The following RBFOX1 variants were observed in gnomAD, a reference collection of about 807,000 sequenced individuals.
RBFOX1 encodes the protein RNA binding protein fox-1 homolog 1.
A neutral mutation model predicts 57.7 loss-of-function variants in RBFOX1; 8 were observed. The ratio of observed to expected loss-of-function variants is 0.14; its 90% CI spans 0.08 to 0.25. The LOEUF is 0.25. Ranked by LOEUF, RBFOX1 falls within the 10% of genes least tolerant of loss-of-function variation. The pLI is 1.00. For missense variants in RBFOX1, 611 were observed against 548.5 expected, an observed-to-expected ratio of 1.11 and a Z score of -1.14; for synonymous variants, 326 against 222.4, an observed-to-expected ratio of 1.47 and a Z score of -4.15.
At chr16:5,554,686 A>C (rs1302519068) in intron 2 of RBFOX1, among the ~76,000 whole-genome samples, 3 of 152,328 alleles carry the variant, frequency 2.0e-5, no homozygotes, top group African/African-American at 7.2e-5. Flanking sequence ...TAGTATTGCA[A>C]CCTATTCCCA....
chr16:5,893,204 C>T (rs553120305), intron 4 of RBFOX1, among the ~76,000 whole-genome samples: 1 of 152,334 alleles, frequency 6.6e-6, no homozygotes, highest in East Asian at 1.9e-4. Flanking sequence ...CTCATCCTCA[C>T]ATAGCTTTGA....
chr16:6,515,528 C>G (rs2096358802), intron 2 of RBFOX1, among the ~76,000 whole-genome samples: 1 of 152,170 alleles, frequency 6.6e-6, no homozygotes, highest in Non-Finnish European at 1.5e-5. Flanking sequence ...GTTCCCATGT[C>G]TTCCCTTGAG....
At position 7,475,490 on chromosome 16, in the gene RBFOX1, A is replaced by G. The variant is rs571515137; in HGVS notation, c.28-42657A>G. Among the ~76,000 whole-genome samples, 12 of 151,882 alleles carry G rather than the reference A, an allele frequency of 7.9e-5. No individual in the cohort carries two copies. The South Asian group carries it at 2.3e-3, about 29-fold the overall frequency. On this transcript the variant is annotated intron_variant, in intron 4 of 15. Transcript: ENST00000550418. ...CCACCACACCTGGCTAACTTTTTGTATTTTTAGTAGAGACGGCGTTTCACC... is the reference window on the plus strand; with the variant it reads ...CCACCACACCTGGCTAACTTTTTGTGTTTTTAGTAGAGACGGCGTTTCACC...
intron 4 of RBFOX1, among the ~76,000 whole-genome samples, chr16:7,368,284 G>A (rs1249987204): frequency 6.6e-6 from 1 of 150,854 alleles, no homozygotes; most frequent in Non-Finnish European, 1.5e-5. Context: ...AAAAAAGAGA[G>A]AGAAGAAAGG....
intron 4 of RBFOX1, among the ~76,000 whole-genome samples, chr16:7,405,008 C>T (rs1289667614): frequency 6.6e-6 from 1 of 152,154 alleles, no homozygotes; most frequent in East Asian, 1.9e-4. Context: ...GCCTGCTACA[C>T]CACAAAGGGT....
intron 2 of RBFOX1, among the ~76,000 whole-genome samples, chr16:6,498,831 C>G (rs17140355): frequency 6.6e-6 from 1 of 152,018 alleles, no homozygotes; most frequent in African/African-American, 2.4e-5. Flanking sequence ...TCTCCTGAAG[C>G]CAAGATATGC....
intron 1 of RBFOX1, among the ~76,000 whole-genome samples, chr16:5,463,476 G>A (rs190463803): frequency 7.9e-5 from 12 of 152,188 alleles, no homozygotes; most frequent in Admixed American, 7.9e-4. Context: ...ATGGATCCAA[G>A]TGCTTAAAGA....
chr16:6,603,809 G>T (rs1437838128), intron 2 of RBFOX1, among the ~76,000 whole-genome samples: 2 of 152,092 alleles, frequency 1.3e-5, no homozygotes, highest in Non-Finnish European at 2.9e-5. Flanking sequence ...TTCTCGTCCT[G>T]CTGTTTGGGT....
chr16:5,856,575 G>GTGTATATATATATGTA (rs1192496608), intron 3 of RBFOX1, among the ~76,000 whole-genome samples: 1 of 32,920 alleles, frequency 3.0e-5, no homozygotes, highest in Non-Finnish European at 5.7e-5. Flanking sequence ...GTGTGTGTGT[G>GTGTATATATATATGTA]TATATATATA....
chr16:7,102,118 G>A (rs1157731127), intron 4 of RBFOX1, among the ~76,000 whole-genome samples: 1 of 151,926 alleles, frequency 6.6e-6, no homozygotes, highest in Non-Finnish European at 1.5e-5. Flanking sequence ...AAATGGTCCT[G>A]CCTGTGCCTA....
intron 3 of RBFOX1, among the ~76,000 whole-genome samples, chr16:6,698,082 T>A (rs2061319045): frequency 6.6e-6 from 1 of 152,194 alleles, no homozygotes; most frequent in Non-Finnish European, 1.5e-5. Context: ...TTGGAGTTAT[T>A]TCAACTGTTT....
At chr16:7,568,247 A>T (rs1041186264) in intron 5 of RBFOX1, among the ~76,000 whole-genome samples, 7 of 152,148 alleles carry the variant, frequency 4.6e-5, no homozygotes, top group Admixed American at 2.0e-4. Context: ...TGTTTTTATG[A>T]TTATTTCTTG....
intron 1 of RBFOX1, among the ~76,000 whole-genome samples, chr16:6,197,178 C>T (rs554766259): frequency 1.4e-4 from 21 of 152,202 alleles, no homozygotes; most frequent in South Asian, 2.1e-4. Context: ...ACTATGCATA[C>T]GTCTTATTTC....
intron 1 of RBFOX1, among the ~76,000 whole-genome samples, chr16:5,457,150 T>A (rs988679903): frequency 2.6e-5 from 4 of 152,110 alleles, no homozygotes; most frequent in African/African-American, 9.7e-5. Flanking sequence ...ATTTATTTAT[T>A]TTTTGAGACA....
chr16:5,594,666 G>C (rs2047122049), intron 2 of RBFOX1, among the ~76,000 whole-genome samples: 1 of 152,218 alleles, frequency 6.6e-6, no homozygotes, highest in African/African-American at 2.4e-5. Context: ...CTCCAAAGGA[G>C]ACAGTCAGAT....
At chr16:5,592,505 C>A (rs1166189139) in intron 2 of RBFOX1, among the ~76,000 whole-genome samples, 2 of 151,844 alleles carry the variant, frequency 1.3e-5, no homozygotes. Flanking sequence ...CAACCTCTGC[C>A]TCCTGGGTTC....
intron 4 of RBFOX1, among the ~76,000 whole-genome samples, chr16:7,441,860 G>A (rs1258126738): frequency 6.6e-6 from 1 of 152,160 alleles, no homozygotes; most frequent in Admixed American, 6.5e-5. Flanking sequence ...GGCTGTCACA[G>A]GCATTTGCCT....
intron 4 of RBFOX1, among the ~76,000 whole-genome samples, chr16:5,887,252 C>G (rs1294046999): frequency 3.9e-5 from 6 of 152,168 alleles, no homozygotes; most frequent in Non-Finnish European, 8.8e-5. Context: ...GCAGCACAGT[C>G]AGCATTCGTG....
intron 2 of RBFOX1, among the ~76,000 whole-genome samples, chr16:6,402,894 A>T (rs2093132137): frequency 2.0e-5 from 3 of 152,244 alleles, no homozygotes; most frequent in Admixed American, 6.5e-5. Context: ...TGAAGCAGGG[A>T]ATGAAATATA....
Sources: allele counts gnomAD v4.1 joint callset (sites outside exome capture counted in the v4.1 genomes callset), GRCh38; gene constraint gnomAD v4.1.1; transcripts MANE v1.5; gene names NCBI Gene and HGNC (gene_info 2026-07-23, HGNC 2026-07-21).